The following EPS15 variants were observed in gnomAD, a reference collection of about 807,000 sequenced individuals.
The protein encoded by EPS15 is epidermal growth factor receptor pathway substrate 15, also known as epidermal growth factor receptor substrate 15.
EPS15 carries 72 observed loss-of-function variants against 113.8 expected under a neutral mutation model. The ratio of observed to expected loss-of-function variants is 0.63; its 90% CI spans 0.52 to 0.77. The LOEUF is 0.77. Ranked by LOEUF, EPS15 falls within the 30% of genes least tolerant of loss-of-function variation. EPS15 has a pLI of 0.00. For synonymous variants in EPS15, 344 were observed against 363.4 expected (o/e 0.95, Z 0.61); for missense variants, 1,048 against 1,045.8 (o/e 1.00, Z -0.03).
intron 20 of EPS15, 59 bp from the exon 21 acceptor site, chr1:51,394,506 A>C: frequency 8.7e-5 from 81 of 935,902 alleles, no homozygotes; most frequent in Non-Finnish European, 1.3e-4. Context: ...CTGAAACCTC[A>C]TCACCACTCC....
At chr1:51,454,083 C>G (rs1193104829) in intron 8 of EPS15, among the ~76,000 whole-genome samples, 1 of 147,856 alleles carries the variant, frequency 6.8e-6, no homozygotes, top group East Asian at 2.0e-4. Flanking sequence ...GGGAAAAGAT[C>G]GTGCTCAGTT....
At chr1:51,372,472 T>G (rs895117282) in intron 21 of EPS15, 2 of 533,680 alleles carry the variant, frequency 3.7e-6, no homozygotes, top group Non-Finnish European at 7.6e-6. Flanking sequence ...GTCTGGTTTT[T>G]AGACCATGAT....
At position 51,477,585 on chromosome 1, in the gene EPS15, G is replaced by T. The variant is rs1349706157; in HGVS notation, c.75+3688C>A. On this transcript the variant is annotated intron_variant, in intron 2 of 24. Coordinates refer to ENST00000371733, the MANE Select transcript of EPS15 (RefSeq NM_001981.3). ...AGATCTTTCCTGCTTTCTCTTGTGG[G>T]CATTTAGTGCTATAAACTTTCCTCT... is the stretch of plus-strand genomic sequence containing the variant. 1.4e-4 allele frequency among the ~76,000 whole-genome samples: 21 copies of T among 151,998 alleles called. No homozygotes were observed. The East Asian group carries it at 3.7e-3, about 27-fold the overall frequency.
chr1:51,413,540 T>C (rs1649938733), intron 13 of EPS15, among the ~76,000 whole-genome samples: 1 of 152,210 alleles, frequency 6.6e-6, no homozygotes, highest in South Asian at 2.1e-4. Flanking sequence ...TTTTACATAA[T>C]GTGAAACACT....
intron 23 of EPS15, among the ~76,000 whole-genome samples, chr1:51,362,482 T>C (rs1646409752): frequency 1.3e-5 from 2 of 152,158 alleles, no homozygotes; most frequent in South Asian, 4.1e-4. Flanking sequence ...TTACTTAAGA[T>C]TTAAAAAAAC....
intron 2 of EPS15, among the ~76,000 whole-genome samples, chr1:51,474,810 T>A (rs1238715711): frequency 6.6e-6 from 1 of 151,420 alleles, no homozygotes; most frequent in African/African-American, 2.4e-5. Flanking sequence ...TAGGTATATC[T>A]CCTAATGCTA....
At chr1:51,487,398 TCTA>T (rs1371634083) in intron 1 of EPS15, among the ~76,000 whole-genome samples, 1 of 152,164 alleles carries the variant, frequency 6.6e-6, no homozygotes, top group Non-Finnish European at 1.5e-5. Flanking sequence ...ATTTTATTGA[TCTA>T]CTAATGCAAT....
chr1:51,370,735 C>T (rs1646627893), intron 21 of EPS15, among the ~76,000 whole-genome samples: 1 of 151,834 alleles, frequency 6.6e-6, no homozygotes, highest in Admixed American at 6.6e-5. Flanking sequence ...ATTCTCCTGC[C>T]TCAGCCTCCT....
chr1:51,488,001 C>T (rs1215126847), intron 1 of EPS15, among the ~76,000 whole-genome samples: 2 of 152,064 alleles, frequency 1.3e-5, no homozygotes, highest in African/African-American at 4.8e-5. Context: ...AAAGGCATAG[C>T]TTATTAAATG....
chr1:51,387,597 T>C (rs1647120944), intron 21 of EPS15, among the ~76,000 whole-genome samples: 1 of 152,042 alleles, frequency 6.6e-6, no homozygotes, highest in African/African-American at 2.4e-5. Flanking sequence ...GAGACACACA[T>C]AGGCTCAAAA....
At chr1:51,446,308 A>G (rs1653043360) in intron 10 of EPS15, among the ~76,000 whole-genome samples, 1 of 152,212 alleles carries the variant, frequency 6.6e-6, no homozygotes, top group Non-Finnish European at 1.5e-5. Flanking sequence ...ACACTATAAA[A>G]TTATGCAGGT....
chr1:51,381,841 T>C (rs1646948709), intron 21 of EPS15, among the ~76,000 whole-genome samples: 1 of 151,956 alleles, frequency 6.6e-6, no homozygotes, highest in South Asian at 2.1e-4. Context: ...CTTCTAACTA[T>C]AAATACTTAA....
chr1:51,440,559 T>G, intron 11 of EPS15, 127 bp from the exon 12 acceptor site: 1 of 383,892 alleles, frequency 2.6e-6, no homozygotes, highest in Non-Finnish European at 4.7e-6. Context: ...CTGAGATTTT[T>G]AATTAAGAAA....
chr1:51,358,636 CTATAT>C (rs1206660576), intron 24 of EPS15, among the ~76,000 whole-genome samples: 1 of 150,834 alleles, frequency 6.6e-6, no homozygotes, highest in Non-Finnish European at 1.5e-5. Context: ...TTTTATTATA[CTATAT>C]TGAGATTTTG....
At chr1:51,417,722 A>T (rs1351629320) in intron 13 of EPS15, among the ~76,000 whole-genome samples, 3 of 152,228 alleles carry the variant, frequency 2.0e-5, no homozygotes, top group Non-Finnish European at 2.9e-5. Context: ...GCTTTAAGGC[A>T]TGAGTGGAAT....
At chr1:51,482,885 G>A (rs1644047499) in intron 1 of EPS15, among the ~76,000 whole-genome samples, 1 of 152,020 alleles carries the variant, frequency 6.6e-6, no homozygotes, top group African/African-American at 2.4e-5. Flanking sequence ...AAGTGGGTGA[G>A]GGGGAAGGAA....
intron 12 of EPS15, among the ~76,000 whole-genome samples, chr1:51,433,240 A>C (rs1160138518): frequency 6.6e-6 from 1 of 152,196 alleles, no homozygotes; most frequent in Admixed American, 6.5e-5. Context: ...ACCAATATTT[A>C]GTGAACAGCT....
At chr1:51,442,603 G>A (rs892976255) in intron 11 of EPS15, among the ~76,000 whole-genome samples, 2 of 152,084 alleles carry the variant, frequency 1.3e-5, no homozygotes, top group African/African-American at 4.8e-5. Flanking sequence ...CTATTCTTGT[G>A]CATTACACAA....
chr1:51,465,013 T>C (rs1035087592), intron 6 of EPS15, among the ~76,000 whole-genome samples: 1 of 152,238 alleles, frequency 6.6e-6, no homozygotes, highest in Non-Finnish European at 1.5e-5. Flanking sequence ...TCAAATATTT[T>C]AGTTAATACA....
Sources: gnomAD v4.1 joint callset for allele counts (sites outside exome capture counted in the v4.1 genomes callset) on GRCh38, gnomAD v4.1.1 for gene constraint, MANE v1.5 for transcripts, NCBI Gene and HGNC (gene_info 2026-07-23, HGNC 2026-07-21) for gene names.